Variants in CDH23 observed in about 807,000 individuals in gnomAD.
The protein encoded by CDH23 is cadherin related 23.
A neutral mutation model predicts 317.1 loss-of-function variants in CDH23; 189 were observed. The ratio of observed to expected loss-of-function variants is 0.60; its 90% CI spans 0.53 to 0.67. CDH23 has a LOEUF of 0.67. CDH23 is among the 30% of genes least tolerant of loss of function. The pLI is 0.00. For synonymous variants in CDH23, 1,839 were observed against 1,876.8 expected, an observed-to-expected ratio of 0.98 and a Z score of 0.52; for missense variants, 4,401 against 4,592.4, an observed-to-expected ratio of 0.96 and a Z score of 1.20.
At chr10:71,587,670 C>T (rs892541130) in intron 9 of CDH23, among the ~76,000 whole-genome samples, 13 of 152,166 alleles carry the variant, frequency 8.5e-5, no homozygotes, top group Admixed American at 7.9e-4. Flanking sequence ...GGGAGGAGAT[C>T]CTCGTAGCTC....
chr10:71,594,186 T>TC (rs1859685502), intron 9 of CDH23, among the ~76,000 whole-genome samples: 1 of 152,138 alleles, frequency 6.6e-6, no homozygotes, highest in Admixed American at 6.5e-5. Flanking sequence ...CAAAATGTTA[T>TC]CCCCCACCAC....
At position 71,777,707 on chromosome 10, in the gene CDH23, G is replaced by A. The variant is rs1180197801; in HGVS notation, c.4873G>A (p.Val1625Met). 1.2e-6 allele frequency: 2 copies of A among 1,613,058 alleles called. No homozygotes were observed. The highest frequency in any genetic ancestry group is 4.5e-5 in the East Asian group (2 of 44,860). The change falls in exon 39 of 70, where the codon GTG (valine) becomes ATG (methionine). Residue 1625 changes from valine to methionine, a missense_variant. By Grantham distance (21) the Val-to-Met change is conservative (BLOSUM62 1). Transcript: ENST00000224721. Reference protein sequence around the residue: ...SATTHVYVTIVDENDNAPMFQ... With the variant: ...SATTHVYVTIMDENDNAPMFQ... ...CACCACGCACGTGTACGTGACCATT[G>A]TGGATGAGAATGATAACGCGCCCAT...
At chr10:71,668,344 C>T (rs186429867) in intron 14 of CDH23, among the ~76,000 whole-genome samples, 2 of 152,308 alleles carry the variant, frequency 1.3e-5, no homozygotes, top group African/African-American at 4.8e-5. Context: ...AGGAGGATGA[C>T]CCTAGTAGGA....
chr10:71,760,897 A>C (rs1453475599), intron 38 of CDH23: 1 of 1,613,798 alleles, frequency 6.2e-7, no homozygotes, highest in South Asian at 1.1e-5. Flanking sequence ...GGATGGGTAC[A>C]CCACACAGTT....
At chr10:71,766,693 C>A (rs555579751) in intron 38 of CDH23, among the ~76,000 whole-genome samples, 8 of 152,300 alleles carry the variant, frequency 5.3e-5, no homozygotes, top group African/African-American at 1.4e-4. Context: ...ACACCCCCAA[C>A]ATGGGTGGTA....
At chr10:71,631,744 A>T (rs1348711032) in intron 11 of CDH23, among the ~76,000 whole-genome samples, 1 of 152,168 alleles carries the variant, frequency 6.6e-6, no homozygotes, top group Non-Finnish European at 1.5e-5. Flanking sequence ...TCTAAGAGGG[A>T]TGCCAGAGGT....
intron 44 of CDH23, among the ~76,000 whole-genome samples, chr10:71,788,191 G>T (rs765202640): frequency 1.3e-5 from 2 of 152,254 alleles, no homozygotes; most frequent in Non-Finnish European, 2.9e-5. Flanking sequence ...GGGATTACAG[G>T]TGTAAGCCAT....
At chr10:71,631,789 T>C (rs995067371) in intron 11 of CDH23, among the ~76,000 whole-genome samples, 6 of 152,158 alleles carry the variant, frequency 3.9e-5, no homozygotes, top group Admixed American at 2.0e-4. Context: ...TCAGATATGC[T>C]AAATAGTCCT....
At chr10:71,773,391 G>T in intron 38 of CDH23, 1 of 1,610,264 alleles carries the variant, frequency 6.2e-7, no homozygotes. Flanking sequence ...GCGAAGAGCA[G>T]GGATCCCCAG....
At chr10:71,795,944 G>A (rs1841390759) in intron 48 of CDH23, 6 of 986,054 alleles carry the variant, frequency 6.1e-6, no homozygotes, top group Non-Finnish European at 7.2e-6. Flanking sequence ...CTGTCCTGTG[G>A]GGCCTGGGCC....
At chr10:71,754,036 T>A (rs1368428560) in intron 38 of CDH23, among the ~76,000 whole-genome samples, 1 of 152,200 alleles carries the variant, frequency 6.6e-6, no homozygotes, top group African/African-American at 2.4e-5. Flanking sequence ...CAAACTGCCG[T>A]CCTCAAGGCT....
intron 6 of CDH23, among the ~76,000 whole-genome samples, chr10:71,533,525 C>CCCCACACACACACACACACACACACACA (rs1249775933): frequency 2.3e-5 from 3 of 130,822 alleles, no homozygotes; most frequent in African/African-American, 8.9e-5. Context: ...TGGCTGGACA[C>CCCCACACACACACACACACACACACACA]CACACACACA....
intron 56 of CDH23, 31 bp downstream of exon 56, chr10:71,806,028 G>GT: frequency 2.6e-6 from 3 of 1,155,102 alleles, no homozygotes; most frequent in Non-Finnish European, 3.8e-6. Context: ...GAGGGGCGGG[G>GT]TCTGGGGCGG....
In CDH23 at chr10:71,679,882, C is replaced by T. The variant is rs548642036; in HGVS notation, c.1858+390C>T. 2.0e-5 allele frequency among the ~76,000 whole-genome samples: 3 copies of T among 152,348 alleles called. No homozygotes were observed. In the East Asian group the frequency reaches 5.8e-4, roughly 29 times the overall value. On this transcript the variant is annotated intron_variant, in intron 17 of 69. Coordinates refer to ENST00000224721, the MANE Select transcript of CDH23 (RefSeq NM_022124.6). ...CCGTGTGGGACCAGGCACTCTGCAC[C>T]ATGCCCTGCTGCCTGCTGTGGGTCC...
intron 28 of CDH23, among the ~76,000 whole-genome samples, chr10:71,723,497 T>G (rs1186737660): frequency 6.6e-6 from 1 of 152,048 alleles, no homozygotes; most frequent in Non-Finnish European, 1.5e-5. Flanking sequence ...GAAGCTAGAC[T>G]GGGGTGATGG....
chr10:71,791,664 C>T (rs1356777018), intron 47 of CDH23, among the ~76,000 whole-genome samples: 1 of 151,950 alleles, frequency 6.6e-6, no homozygotes, highest in Non-Finnish European at 1.5e-5. Flanking sequence ...CAACCTCAGC[C>T]TCCCAGGTTC....
chr10:71,709,347 C>A (rs1265721046), intron 27 of CDH23, 136 bp downstream of exon 27: 1 of 693,348 alleles, frequency 1.4e-6, no homozygotes, highest in Non-Finnish European at 2.4e-6. Context: ...AGGCACTCAC[C>A]AAACATTACT....
chr10:71,755,471 A>C (rs1342327033), intron 38 of CDH23: 4 of 1,607,760 alleles, frequency 2.5e-6, no homozygotes, highest in South Asian at 1.1e-5. Flanking sequence ...TGATGTCTGA[A>C]AGGGCAGAGA....
intron 39 of CDH23, 135 bp downstream of exon 39, chr10:71,778,036 A>T: frequency 1.4e-6 from 2 of 1,428,866 alleles, no homozygotes; most frequent in South Asian, 1.3e-5. Context: ...GTGTGGGAGG[A>T]TGAAAAGTTT....
Sources: gnomAD v4.1 joint callset for allele counts (sites outside exome capture counted in the v4.1 genomes callset) on GRCh38, gnomAD v4.1.1 for gene constraint, MANE v1.5 for transcripts, NCBI Gene and HGNC (gene_info 2026-07-23, HGNC 2026-07-21) for gene names.